Variants in PDE11A observed in about 807,000 individuals in gnomAD.
The protein encoded by PDE11A is phosphodiesterase 11A.
In PDE11A, 100 loss-of-function variants were observed where a neutral mutation model predicts 100.5. The ratio of observed to expected loss-of-function variants is 1.00; its 90% CI spans 0.85 to 1.18. The LOEUF (loss-of-function observed/expected upper bound fraction) is 1.18. PDE11A is among the 50% of genes most tolerant of loss of function. The pLI is 0.00. For missense variants in PDE11A, 1,141 were observed against 1,152.6 expected, an observed-to-expected ratio of 0.99 and a Z score of 0.15; for synonymous variants, 381 against 420.8, an observed-to-expected ratio of 0.91 and a Z score of 1.16.
At chr2:177,817,201 C>T (rs1326729401) in intron 8 of PDE11A, among the ~76,000 whole-genome samples, 2 of 152,138 alleles carry the variant, frequency 1.3e-5, no homozygotes, top group Admixed American at 6.5e-5. Context: ...TAAGTGGGTT[C>T]TTAATTTATT....
At chr2:177,969,069 C>T (rs1324248466) in intron 2 of PDE11A, among the ~76,000 whole-genome samples, 1 of 152,134 alleles carries the variant, frequency 6.6e-6, no homozygotes, top group Non-Finnish European at 1.5e-5. Context: ...ACATATACAC[C>T]ATGGAATACT....
At chr2:177,831,834 G>A (rs1051283644) in intron 6 of PDE11A, among the ~76,000 whole-genome samples, 1 of 152,214 alleles carries the variant, frequency 6.6e-6, no homozygotes, top group African/African-American at 2.4e-5. Flanking sequence ...CTGATGCAGG[G>A]ATTGTAAATG....
At chr2:177,864,885 T>C (rs1209901040) in intron 5 of PDE11A, among the ~76,000 whole-genome samples, 1 of 152,144 alleles carries the variant, frequency 6.6e-6, no homozygotes, top group Non-Finnish European at 1.5e-5. Flanking sequence ...ATCATACGGG[T>C]CATTTTCCAG....
intron 19 of PDE11A, among the ~76,000 whole-genome samples, chr2:177,654,470 G>A (rs961071447): frequency 6.6e-6 from 1 of 152,100 alleles, no homozygotes; most frequent in African/African-American, 2.4e-5. Flanking sequence ...GCAGTGGGCC[G>A]AGATTGCACC....
At chr2:178,059,742 C>T (rs1271424925) in intron 1 of PDE11A, among the ~76,000 whole-genome samples, 2 of 152,160 alleles carry the variant, frequency 1.3e-5, no homozygotes, top group African/African-American at 4.8e-5. Context: ...ATTCTGATCC[C>T]TTTCCCAAAG....
intron 1 of PDE11A, among the ~76,000 whole-genome samples, chr2:178,024,342 G>A (rs2086452264): frequency 6.6e-6 from 1 of 152,112 alleles, no homozygotes; most frequent in Admixed American, 6.5e-5. Flanking sequence ...GGCCCGGGAG[G>A]CAGAGGTTGC....
chr2:177,674,748 G>T (rs2080741958), intron 17 of PDE11A, among the ~76,000 whole-genome samples: 1 of 152,124 alleles, frequency 6.6e-6, no homozygotes, highest in Admixed American at 6.6e-5. Context: ...ATAAATATTA[G>T]TTATTTATTG....
At chr2:177,964,693 T>C (rs2085676832) in intron 2 of PDE11A, among the ~76,000 whole-genome samples, 1 of 152,214 alleles carries the variant, frequency 6.6e-6, no homozygotes, top group African/African-American at 2.4e-5. Context: ...TCCAGCTCCA[T>C]CCATGTTGCT....
intron 2 of PDE11A, among the ~76,000 whole-genome samples, chr2:177,930,430 CAA>C (rs1227971877): frequency 1.4e-5 from 2 of 139,508 alleles, no homozygotes; most frequent in Non-Finnish European, 1.6e-5. Context: ...TAGAATAGAC[CAA>C]AAAAAAAAAA....
chr2:177,745,515 C>G (rs2081935641), intron 10 of PDE11A, among the ~76,000 whole-genome samples: 1 of 152,228 alleles, frequency 6.6e-6, no homozygotes, highest in Non-Finnish European at 1.5e-5. Flanking sequence ...TTAAACATTC[C>G]CCAGGTGATG....
intron 1 of PDE11A, among the ~76,000 whole-genome samples, chr2:178,061,727 C>A (rs77879008): frequency 6.6e-6 from 1 of 152,070 alleles, no homozygotes; most frequent in East Asian, 1.9e-4. Context: ...TATTTCCATG[C>A]GATTCTTCAT....
Position 177,794,867 on chromosome 2 carries a change from C to A in PDE11A, c.1737+21962G>T, listed in dbSNP as rs187057404. Among the ~76,000 whole-genome samples, 285 of 152,184 alleles carry A rather than the reference C, an allele frequency of 1.9e-3. 4 individuals are homozygous for A. The East Asian group carries it at 0.045, about 24-fold the overall frequency. ...GTGTCACGATCTTGGCTCACTGCAA[C>A]CTCTGCCTCCCGGATTCAAGCTATT... On this transcript the variant is annotated intron_variant, in intron 9 of 19. Coordinates refer to ENST00000286063, the MANE Select transcript of PDE11A (RefSeq NM_016953.4).
chr2:177,734,145 C>A (rs980137397), intron 10 of PDE11A, among the ~76,000 whole-genome samples: 11 of 152,148 alleles, frequency 7.2e-5, no homozygotes, highest in African/African-American at 2.7e-4. Context: ...TTATAAGCAA[C>A]CTGGACCTAT....
intron 7 of PDE11A, 50 bp from the exon 8 acceptor site, chr2:177,817,975 G>A: frequency 1.1e-6 from 1 of 869,878 alleles, no homozygotes; most frequent in Non-Finnish European, 2.0e-6. Context: ...TGGACATTGT[G>A]TTTCTCTAAT....
intron 1 of PDE11A, among the ~76,000 whole-genome samples, chr2:178,054,519 G>A (rs1373969100): frequency 6.6e-6 from 1 of 152,160 alleles, no homozygotes; most frequent in Non-Finnish European, 1.5e-5. Context: ...AAACTAAAGA[G>A]CTTCTGCACA....
intron 1 of PDE11A, among the ~76,000 whole-genome samples, chr2:178,062,406 G>T (rs2086984271): frequency 6.6e-6 from 1 of 151,720 alleles, no homozygotes; most frequent in African/African-American, 2.4e-5. Flanking sequence ...CTCTCACTTA[G>T]TGGTTCTCTG....
At chr2:177,983,424 A>G (rs898976708) in intron 2 of PDE11A, among the ~76,000 whole-genome samples, 8 of 152,340 alleles carry the variant, frequency 5.3e-5, no homozygotes, top group Middle Eastern at 3.4e-3. Context: ...TGCACCTTTT[A>G]ATCAACATCT....
intron 1 of PDE11A, among the ~76,000 whole-genome samples, chr2:178,041,963 G>C (rs1464587684): frequency 6.6e-6 from 1 of 152,328 alleles, no homozygotes; most frequent in Middle Eastern, 3.4e-3. Context: ...TCACACAAAA[G>C]TAATTTTCTC....
chr2:177,715,233 G>A (rs2081419180), intron 12 of PDE11A, among the ~76,000 whole-genome samples: 1 of 152,166 alleles, frequency 6.6e-6, no homozygotes, highest in African/African-American at 2.4e-5. Flanking sequence ...CTGCTCTATT[G>A]TGTTCTAGCT....
Sources: gnomAD v4.1 joint callset for allele counts (sites outside exome capture counted in the v4.1 genomes callset) on GRCh38, gnomAD v4.1.1 for gene constraint, MANE v1.5 for transcripts, NCBI Gene and HGNC (gene_info 2026-07-23, HGNC 2026-07-21) for gene names.